The following FGFR2 variants were observed in gnomAD, a reference collection of about 807,000 sequenced individuals.
FGFR2 encodes the protein fibroblast growth factor receptor 2, also known as BEK fibroblast growth factor receptor.
Under a neutral mutation model 95.9 loss-of-function variants are expected in FGFR2, and 19 were observed. The observed-to-expected ratio is 0.20, with a 90% CI of 0.14 to 0.29. The LOEUF (loss-of-function observed/expected upper bound fraction) is 0.29, where lower values mean the gene tolerates loss of function less well. Ranked by LOEUF, FGFR2 falls within the 10% of genes least tolerant of loss-of-function variation. The probability of loss-of-function intolerance (pLI) is 1.00; values close to 1 mark genes in which losing one functional copy is unlikely to be tolerated. For missense variants in FGFR2, 707 were observed against 1,056.9 expected, an observed-to-expected ratio of 0.67 and a Z score of 4.59; for synonymous variants, 392 against 393.3, an observed-to-expected ratio of 1.00 and a Z score of 0.04.
intron 2 of FGFR2, chr10:121,583,282 C>G (rs1861240566): frequency 6.6e-6 from 1 of 152,220 alleles, no homozygotes; most frequent in South Asian, 2.1e-4. Flanking sequence ...AGTCGTAAAT[C>G]AGAAATTCTG....
intron 2 of FGFR2, among the ~76,000 whole-genome samples, chr10:121,577,156 A>AAAAAAAAAAAAAAAAT (rs1859950365): frequency 7.9e-5 from 1 of 12,650 alleles, no homozygotes; most frequent in Non-Finnish European, 1.3e-4. Context: ...AAAAAAAAAA[A>AAAAAAAAAAAAAAAAT]AAATATATAT....
At chr10:121,559,591 A>G (rs1856660629) in intron 4 of FGFR2, among the ~76,000 whole-genome samples, 1 of 152,242 alleles carries the variant, frequency 6.6e-6, no homozygotes, top group Non-Finnish European at 1.5e-5. Flanking sequence ...GACACCAAAC[A>G]GAGGCACCTC....
chr10:121,526,030 A>G (rs1851321822), intron 6 of FGFR2: 1 of 395,654 alleles, frequency 2.5e-6, no homozygotes, highest in Non-Finnish European at 4.5e-6. Context: ...AGAGACTCGA[A>G]TCACACGGAG....
chr10:121,482,592 T>G (rs1844902810), intron 17 of FGFR2, among the ~76,000 whole-genome samples: 1 of 152,218 alleles, frequency 6.6e-6, no homozygotes, highest in Non-Finnish European at 1.5e-5. Context: ...GCATCCTCAT[T>G]AAATATCTCA....
In FGFR2 at chr10:121,481,827, C is replaced by CTTTTTTTTTTTTT. The variant is rs1172844728; in HGVS notation, c.2302-1807_2302-1806insAAAAAAAAAAAAA. ...CTTTAGTGCTTTTCCCGGTTTCTTT[C>CTTTTTTTTTTTTT]TTTTTTATTTTTATTTTTTTTTTTT... On this transcript the variant is annotated intron_variant, in intron 17 of 17. Coordinates refer to ENST00000358487, the MANE Select transcript of FGFR2 (RefSeq NM_000141.5). 5.7e-4 allele frequency: 102 copies of CTTTTTTTTTTTTT among 178,996 alleles called. 7 individuals carry two copies. Among genetic ancestry groups the CTTTTTTTTTTTTT allele is most frequent in the African/African-American group, 9.9e-4 (34 of 34,208 alleles). The allele number at this position is 178,996 out of a possible 1,614,324, so 11.1% of individuals were successfully genotyped here.
chr10:121,522,219 A>G (rs1015764788), intron 6 of FGFR2, among the ~76,000 whole-genome samples: 1 of 152,240 alleles, frequency 6.6e-6, no homozygotes, highest in South Asian at 2.1e-4. Flanking sequence ...GCTGCACAGC[A>G]TCGTGCCTAT....
intron 6 of FGFR2, among the ~76,000 whole-genome samples, chr10:121,524,111 C>T (rs922663804): frequency 1.7e-4 from 14 of 81,866 alleles, no homozygotes; most frequent in African/African-American, 1.9e-4. Flanking sequence ...TACACACACA[C>T]ACACACACAC....
At chr10:121,570,518 T>C (rs1294616005) in intron 2 of FGFR2, among the ~76,000 whole-genome samples, 2 of 152,228 alleles carry the variant, frequency 1.3e-5, no homozygotes, top group Non-Finnish European at 2.9e-5. Context: ...ACTCCTTTTA[T>C]AGTCATGTGA....
chr10:121,506,528 A>G (rs1424920186), intron 9 of FGFR2, among the ~76,000 whole-genome samples: 3 of 152,108 alleles, frequency 2.0e-5, no homozygotes, highest in Non-Finnish European at 4.4e-5. Context: ...GCTGCAATCA[A>G]TAGAGGAGTG....
chr10:121,535,805 G>C (rs919862453), intron 6 of FGFR2, among the ~76,000 whole-genome samples: 2 of 152,180 alleles, frequency 1.3e-5, no homozygotes, highest in African/African-American at 4.8e-5. Context: ...ACACAACAAT[G>C]GCTTGCCGTT....
intron 6 of FGFR2, among the ~76,000 whole-genome samples, chr10:121,523,401 G>A (rs374482372): frequency 7.9e-5 from 12 of 152,154 alleles, no homozygotes; most frequent in African/African-American, 2.9e-4. Context: ...ACACCCCAGG[G>A]ACCTGTCCAC....
intron 2 of FGFR2, among the ~76,000 whole-genome samples, chr10:121,575,690 A>G (rs542320542): frequency 6.6e-6 from 1 of 151,088 alleles, no homozygotes; most frequent in African/African-American, 2.4e-5. Flanking sequence ...CCCCATCTCT[A>G]CTAAAAATAC....
At position 121,598,419 on chromosome 10, in the gene FGFR2, C is replaced by T. The variant is rs944391497; in HGVS notation, c.-608G>A. The T allele has an allele frequency of 2.6e-5, 4 of 155,548 alleles. No individual in the cohort carries two copies. Among genetic ancestry groups the T allele is most frequent in the African/African-American group, 9.7e-5 (4 of 41,232 alleles). 9.6% of individuals were successfully genotyped at this position (155,548 alleles called of 1,614,324 possible). A position where few individuals can be genotyped will look rare whatever the true frequency, so the allele number is the denominator to read the frequency against. ...TCGCCCGCTCCGCACCCGCCGCCCGCCCGCTCGGCTCTCCACCGCGCTCTC... is the reference window on the plus strand; with the variant it reads ...TCGCCCGCTCCGCACCCGCCGCCCGTCCGCTCGGCTCTCCACCGCGCTCTC... On this transcript the variant is annotated 5_prime_UTR_variant, in exon 1 of 18. Coordinates refer to ENST00000358487, the MANE Select transcript of FGFR2 (RefSeq NM_000141.5).
intron 6 of FGFR2, chr10:121,530,292 G>A (rs1192175714): frequency 5.3e-5 from 8 of 152,282 alleles, no homozygotes; most frequent in Non-Finnish European, 1.2e-4. Context: ...TCTTTTAAAA[G>A]GGGAAGAACA....
intron 5 of FGFR2, among the ~76,000 whole-genome samples, 178 bp downstream of exon 5, chr10:121,551,112 C>T (rs1235158136): frequency 2.0e-5 from 3 of 151,892 alleles, no homozygotes; most frequent in Non-Finnish European, 4.4e-5. Flanking sequence ...CCCAGCTACT[C>T]GGGAGGCTGA....
chr10:121,548,484 A>C (rs1854904140), intron 5 of FGFR2, among the ~76,000 whole-genome samples: 1 of 151,900 alleles, frequency 6.6e-6, no homozygotes, highest in African/African-American at 2.4e-5. Context: ...TGGAATCAAT[A>C]ATTAACACTG....
At chr10:121,545,336 G>C (rs1854343930) in intron 5 of FGFR2, among the ~76,000 whole-genome samples, 1 of 152,206 alleles carries the variant, frequency 6.6e-6, no homozygotes, top group African/African-American at 2.4e-5. Flanking sequence ...GAAGCAAGCA[G>C]TTTAGCAAGA....
intron 16 of FGFR2, among the ~76,000 whole-genome samples, chr10:121,484,023 G>A (rs747119163): frequency 5.3e-5 from 8 of 151,924 alleles, no homozygotes; most frequent in East Asian, 1.9e-4. Flanking sequence ...GAAAGGCATC[G>A]AAGCCATCAA....
chr10:121,584,285 C>T (rs549362873), intron 2 of FGFR2, among the ~76,000 whole-genome samples: 1 of 151,950 alleles, frequency 6.6e-6, no homozygotes, highest in African/African-American at 2.4e-5. Flanking sequence ...GATGACCATA[C>T]CATGTTATGG....
Sources: allele counts gnomAD v4.1 joint callset (sites outside exome capture counted in the v4.1 genomes callset), GRCh38; gene constraint gnomAD v4.1.1; transcripts MANE v1.5; gene names NCBI Gene and HGNC (gene_info 2026-07-23, HGNC 2026-07-21).